NLRC4: variants seen among roughly 807,000 people sequenced by gnomAD.
NLRC4 encodes the protein NLR family CARD domain containing 4.
A neutral mutation model predicts 79.9 loss-of-function variants in NLRC4; 63 were observed. That is an observed-to-expected ratio of 0.79 (90% CI 0.64 to 0.97). The LOEUF (loss-of-function observed/expected upper bound fraction) is 0.97, where lower values mean the gene tolerates loss of function less well. NLRC4 is among the 50% of genes least tolerant of loss of function. The pLI is 0.00. For missense variants in NLRC4, 1,074 were observed against 1,215.2 expected (o/e 0.88, Z 1.73); for synonymous variants, 461 against 456.5 (o/e 1.01, Z -0.12).
At position 32,250,370 on chromosome 2, in the gene NLRC4, A is replaced by T. The variant is rs780896451; in HGVS notation, c.1494T>A (p.Ser498=). The T allele has an allele frequency of 1.2e-6, 2 of 1,614,224 alleles. No individual in the cohort carries two copies. Among genetic ancestry groups the T allele is most frequent in the East Asian group, 4.5e-5 (2 of 44,890 alleles). Residue 498 remains serine, a synonymous_variant, in exon 4 of 9, where the codon TCT becomes TCA. Transcript: ENST00000402280. The surrounding 1 kb of genome is among the most constrained non-coding windows in gnomAD (Gnocchi z 4.9). The stretch of plus-strand genomic sequence containing the variant: ...TCATAACAGCCCTGGTGGCTTCCAC[A>T]GATGACCCACAGGTGTACCGGAGCA... ...SSLLRYTCGS[S]VEATRAVMKH...
Position 32,236,308 on chromosome 2 carries a change from G to A in NLRC4, c.2553C>T (p.Ser851=). The A allele has an allele frequency of 6.2e-7, 1 of 1,611,064 alleles. No individual in the cohort carries two copies. The highest frequency in any genetic ancestry group is 8.5e-7 in the Non-Finnish European group (1 of 1,178,436). ...GGTAATTTTCTGATAAATCAAGAATGCTCAGTTTGACCAAATTGTGAAGAT... is the reference window on the plus strand; with the variant it reads ...GGTAATTTTCTGATAAATCAAGAATACTCAGTTTGACCAAATTGTGAAGAT... ...AQNLHNLVKL[S]ILDLSENYLE... is the part of the protein sequence containing the mutation. Residue 851 remains serine, a synonymous_variant, in exon 7 of 9, where the codon AGC becomes AGT. Coordinates refer to ENST00000402280, the MANE Select transcript of NLRC4 (RefSeq NM_001199138.2).
chr2:32,235,760 A>G (rs561832425), intron 7 of NLRC4, among the ~76,000 whole-genome samples, 192 bp from the exon 8 acceptor site: 4 of 152,328 alleles, frequency 2.6e-5, no homozygotes, highest in Non-Finnish European at 4.4e-5. Context: ...GCAGAAGAAT[A>G]TAATGAAACT....
At chr2:32,233,007 G>A (rs1686573974) in intron 8 of NLRC4, among the ~76,000 whole-genome samples, 1 of 151,622 alleles carries the variant, frequency 6.6e-6, no homozygotes, top group Non-Finnish European at 1.5e-5. Flanking sequence ...AGCTACTTGG[G>A]TAGTTGAGGA....
At chr2:32,257,043 C>G (rs959933487) in intron 1 of NLRC4, 150 bp from the exon 2 acceptor site, 3 of 446,910 alleles carry the variant, frequency 6.7e-6, no homozygotes, top group African/African-American at 5.9e-5. Context: ...ATGGCCAGGC[C>G]CTAAAGAGAA....
At chr2:32,262,213 C>T (rs370685010) in intron 1 of NLRC4, among the ~76,000 whole-genome samples, 21 of 152,296 alleles carry the variant, frequency 1.4e-4, no homozygotes, top group African/African-American at 5.1e-4. Flanking sequence ...AGTCCTCAAT[C>T]AAGGGGTAAT....
chr2:32,252,880 TG>T (rs1351366845), intron 2 of NLRC4, among the ~76,000 whole-genome samples: 1 of 151,676 alleles, frequency 6.6e-6, no homozygotes, highest in Non-Finnish European at 1.5e-5. Flanking sequence ...TAGCCGGGCG[TG>T]GTGGCGGGCG....
At position 32,230,313 on chromosome 2, in the gene NLRC4, A is replaced by AAG. The variant is rs1474666119; in HGVS notation, c.2782+5086_2782+5087dup. On this transcript the variant is annotated intron_variant, in intron 8 of 8. Coordinates refer to ENST00000402280, the MANE Select transcript of NLRC4 (RefSeq NM_001199138.2). ...CACAGTAAGATTGCCAGGAAATATT[A>AAG]AGAGAGATTGTGTTTATTCACTGTT... Among the ~76,000 whole-genome samples, 6 of 152,178 alleles carry AAG rather than the reference A, an allele frequency of 3.9e-5. 1 individual carries two copies. The highest frequency in any genetic ancestry group is 3.9e-4 in the Admixed American group (6 of 15,262).
At chr2:32,233,134 G>GAGGAAGGAAGGA (rs763764067) in intron 8 of NLRC4, among the ~76,000 whole-genome samples, 94 of 33,694 alleles carry the variant, frequency 2.8e-3, no homozygotes, top group Non-Finnish European at 3.9e-3. Context: ...GTGGGGGAGG[G>GAGGAAGGAAGGA]AGGAAGGAAG....
chr2:32,254,462 C>T (rs1350242439), intron 2 of NLRC4, among the ~76,000 whole-genome samples: 1 of 151,792 alleles, frequency 6.6e-6, no homozygotes, highest in Admixed American at 6.6e-5. Context: ...TTGTGTCTGA[C>T]TCTGCAAGGT....
chr2:32,245,175 T>C (rs1296879390), intron 4 of NLRC4, among the ~76,000 whole-genome samples: 2 of 150,984 alleles, frequency 1.3e-5, no homozygotes. Flanking sequence ...GCCAGGCGTG[T>C]TATTGGGCGC....
In NLRC4 at chr2:32,224,532, G is replaced by A; in HGVS notation, c.3016C>T (p.Gln1006Ter). Residue 1006 changes from glutamine to a stop codon, truncating the protein, a stop_gained, in exon 9 of 9, where the codon CAA (glutamine) becomes TAA (stop). Transcript: ENST00000402280. LOFTEE classifies it high-confidence loss of function. ...ACACTGAGATCATCATCATCAAATT[G>A]CCACCCAACAAGCCTAGCTTCTTGC... ...FLQEARLVGW[Q>*]FDDDDLSVIT... 6.2e-7 allele frequency: 1 copy of A among 1,613,380 alleles called. No individual in the cohort carries two copies. The highest frequency in any genetic ancestry group is 8.5e-7 in the Non-Finnish European group (1 of 1,179,702).
At chr2:32,261,782 T>C (rs1687356484) in intron 1 of NLRC4, among the ~76,000 whole-genome samples, 1 of 151,980 alleles carries the variant, frequency 6.6e-6, no homozygotes, top group Non-Finnish European at 1.5e-5. Flanking sequence ...ATATAAAAAA[T>C]TGTCATTGAA....
At chr2:32,226,357 A>G (rs553092911) in intron 8 of NLRC4, among the ~76,000 whole-genome samples, 1 of 152,330 alleles carries the variant, frequency 6.6e-6, no homozygotes, top group South Asian at 2.1e-4. Flanking sequence ...ATGTCAGCCA[A>G]TGCTTTTATC....
At chr2:32,232,303 A>G (rs1686556229) in intron 8 of NLRC4, among the ~76,000 whole-genome samples, 1 of 152,126 alleles carries the variant, frequency 6.6e-6, no homozygotes, top group Non-Finnish European at 1.5e-5. Context: ...ATTCACTTCT[A>G]AATATTTTCG....
At chr2:32,227,420 C>G (rs1686430181) in intron 8 of NLRC4, among the ~76,000 whole-genome samples, 1 of 152,206 alleles carries the variant, frequency 6.6e-6, no homozygotes, top group African/African-American at 2.4e-5. Context: ...CCTGCTCTCT[C>G]TTCCATCTCA....
chr2:32,226,932 T>A (rs76571118), intron 8 of NLRC4, among the ~76,000 whole-genome samples: 7,543 of 152,192 alleles, frequency 0.05, 224 homozygotes, highest in Middle Eastern at 0.13. Flanking sequence ...CCCAAAACTG[T>A]CTCTCCTTAT....
intron 1 of NLRC4, among the ~76,000 whole-genome samples, chr2:32,261,125 G>A (rs1297214876): frequency 6.7e-5 from 10 of 150,312 alleles, no homozygotes; most frequent in South Asian, 2.1e-4. Flanking sequence ...CCCGGGGGGC[G>A]GAGCTTGCAG....
upstream of NLRC4, chr2:32,264,957 C>T (rs1687434103): frequency 6.6e-6 from 1 of 151,214 alleles, no homozygotes; most frequent in Non-Finnish European, 1.5e-5. Flanking sequence ...ACAAGTACTA[C>T]CAGTTCAGAA....
chr2:32,235,789 C>G (rs115465551), intron 7 of NLRC4, among the ~76,000 whole-genome samples: 2,076 of 152,142 alleles, frequency 0.014, 48 homozygotes, highest in African/African-American at 0.047. Flanking sequence ...TAATAAGACA[C>G]CTTCAAAAAC....
Sources: allele counts gnomAD v4.1 joint callset (sites outside exome capture counted in the v4.1 genomes callset), GRCh38; gene constraint gnomAD v4.1.1; non-coding constraint Gnocchi (gnomAD v3.1); transcripts MANE v1.5; gene names NCBI Gene and HGNC (gene_info 2026-07-23, HGNC 2026-07-21).